TMEM135: variants seen among roughly 807,000 people sequenced by gnomAD.
TMEM135 encodes transmembrane protein 135, also known as peroxisomal membrane protein 52.
TMEM135 carries 30 observed loss-of-function variants against 60.3 expected under a neutral mutation model. The observed-to-expected ratio is 0.50, with a 90% CI of 0.37 to 0.68. TMEM135 has a LOEUF of 0.68. Ranked by LOEUF, TMEM135 falls within the 30% of genes least tolerant of loss-of-function variation. The pLI is 0.00. For synonymous variants in TMEM135, 190 were observed against 186.7 expected, an observed-to-expected ratio of 1.02 and a Z score of -0.14; for missense variants, 468 against 548.8, an observed-to-expected ratio of 0.85 and a Z score of 1.47.
At chr11:87,183,587 G>GATTTCTTAGGATA (rs1404823164) in intron 5 of TMEM135, among the ~76,000 whole-genome samples, 3 of 152,168 alleles carry the variant, frequency 2.0e-5, no homozygotes, top group Admixed American at 2.0e-4. Context: ...AAGTAAGGTG[G>GATTTCTTAGGATA]ATTTCTTAGG....
intron 4 of TMEM135, among the ~76,000 whole-genome samples, chr11:87,150,664 C>T (rs1938535771): frequency 6.6e-6 from 1 of 151,956 alleles, no homozygotes; most frequent in Non-Finnish European, 1.5e-5. Flanking sequence ...TTCTTTGTAC[C>T]TATTACTAAC....
rs1856696857 is a variant in TMEM135 at position 87,067,853 on chromosome 11, A to G, written c.269+32A>G. ...ACTCATAATCACCATAGATACTAAT[A>G]TAGGTTCTTCTATTGAAATGGAAAC... On this transcript the variant is annotated intron_variant, in intron 2 of 14. Transcript: ENST00000305494. 8.1e-6 allele frequency: 13 copies of G among 1,611,202 alleles called. No individual in the cohort carries two copies. The Admixed American group carries it at 1.3e-4, about 17-fold the overall frequency.
intron 6 of TMEM135, among the ~76,000 whole-genome samples, chr11:87,255,561 C>T (rs906626482): frequency 1.3e-5 from 2 of 152,022 alleles, no homozygotes; most frequent in African/African-American, 2.4e-5. Flanking sequence ...TTGCTTGAGC[C>T]CAGGAATTCA....
intron 3 of TMEM135, among the ~76,000 whole-genome samples, chr11:87,079,491 T>C (rs1400248354): frequency 6.6e-6 from 1 of 152,130 alleles, no homozygotes; most frequent in Admixed American, 6.5e-5. Context: ...TCTGTGACCT[T>C]GCTGAATTTA....
chr11:87,210,589 A>G (rs555959132), intron 5 of TMEM135, among the ~76,000 whole-genome samples: 1 of 152,286 alleles, frequency 6.6e-6, no homozygotes, highest in Admixed American at 6.5e-5. Flanking sequence ...TAGACATACA[A>G]AGAAATGCTA....
intron 6 of TMEM135, among the ~76,000 whole-genome samples, chr11:87,244,036 G>A (rs61905652): frequency 3.4e-5 from 3 of 87,482 alleles, no homozygotes; most frequent in Admixed American, 3.0e-4. Context: ...TCAATACCTA[G>A]TTTATTGAGA....
rs113022616 is a variant in TMEM135 at position 87,111,025 on chromosome 11, G to T, written c.396+19630G>T. On this transcript the variant is annotated intron_variant, in intron 4 of 14. Transcript: ENST00000305494. ...CCTAGATGTTTCATTTTCTAGTTCTGCATTCTTTCGCTAACTGTAGACAAA... is the reference window on the plus strand; with the variant it reads ...CCTAGATGTTTCATTTTCTAGTTCTTCATTCTTTCGCTAACTGTAGACAAA... Among the ~76,000 whole-genome samples the T allele has an allele frequency of 2.5e-3, 377 of 152,230 alleles. 2 individuals carry two copies. The highest frequency in any genetic ancestry group is 8.7e-3 in the African/African-American group (362 of 41,542).
chr11:87,235,395 TAAC>T (rs1056631368), intron 5 of TMEM135, among the ~76,000 whole-genome samples: 34 of 151,988 alleles, frequency 2.2e-4, no homozygotes, highest in African/African-American at 6.5e-4. Flanking sequence ...TATTAATTGA[TAAC>T]AATCCTCTTT....
chr11:87,294,340 C>T (rs10898663), intron 6 of TMEM135, among the ~76,000 whole-genome samples: 1 of 152,078 alleles, frequency 6.6e-6, no homozygotes, highest in Admixed American at 6.5e-5. Context: ...GTGGCCTTTC[C>T]TACAGAAGAC....
intron 4 of TMEM135, among the ~76,000 whole-genome samples, chr11:87,127,478 T>C (rs1194750880): frequency 6.6e-6 from 1 of 152,176 alleles, no homozygotes; most frequent in African/African-American, 2.4e-5. Flanking sequence ...TGATCCCAGG[T>C]TCTTTCTCCC....
rs745548250 is a variant in TMEM135 at position 87,302,277 on chromosome 11, A to C, written c.552-19A>C. Reference sequence around the variant, plus strand: ...TATTTTTAAGTGAAAAATGCCTCACATTGTGCTCTTTTCTTTAGGTTCATT... The same window carrying C: ...TATTTTTAAGTGAAAAATGCCTCACCTTGTGCTCTTTTCTTTAGGTTCATT... On this transcript the variant is annotated intron_variant, in intron 7 of 14. Coordinates refer to ENST00000305494, the MANE Select transcript of TMEM135 (RefSeq NM_022918.4). 5 of 1,613,114 alleles carry C rather than the reference A, an allele frequency of 3.1e-6. No homozygotes were observed. In the African/African-American group the frequency reaches 6.7e-5, roughly 22 times the overall value.
Position 87,178,928 on chromosome 11 carries a change from A to G in TMEM135, c.462+21522A>G, listed in dbSNP as rs185045576. The stretch of plus-strand genomic sequence containing the variant: ...TAATTTCTCTTGGCTTGATACCTAA[A>G]TGTAGAATTGTTAGGTCATAAGAAT... On this transcript the variant is annotated intron_variant, in intron 5 of 14. Transcript: ENST00000305494. 8.5e-4 allele frequency among the ~76,000 whole-genome samples: 130 copies of G among 152,066 alleles called. 1 individual carries two copies. Among genetic ancestry groups the G allele is most frequent in the African/African-American group, 3.0e-3 (124 of 41,416 alleles).
intron 4 of TMEM135, among the ~76,000 whole-genome samples, chr11:87,111,077 G>C (rs1304677044): frequency 6.6e-6 from 1 of 152,130 alleles, no homozygotes; most frequent in East Asian, 1.9e-4. Context: ...GTCTTAAAAT[G>C]TAGTTTCCTA....
At chr11:87,054,453 AAG>A (rs1949873079) in intron 1 of TMEM135, among the ~76,000 whole-genome samples, 1 of 152,080 alleles carries the variant, frequency 6.6e-6, no homozygotes, top group African/African-American at 2.4e-5. Context: ...AAAAGAAAAA[AAG>A]AAAAATATTT....
At chr11:87,263,687 A>C (rs967523882) in intron 6 of TMEM135, among the ~76,000 whole-genome samples, 1 of 152,132 alleles carries the variant, frequency 6.6e-6, no homozygotes, top group South Asian at 2.1e-4. Flanking sequence ...ATAGGGTTTT[A>C]GAGTATGAAG....
intron 3 of TMEM135, among the ~76,000 whole-genome samples, chr11:87,084,139 A>G (rs954375731): frequency 2.6e-5 from 4 of 152,182 alleles, no homozygotes; most frequent in Admixed American, 2.0e-4. Context: ...CCCATTATTG[A>G]TTACGCATCT....
chr11:87,314,473 T>C lies in TMEM135; in HGVS notation c.1003T>C (p.Phe335Leu), dbSNP rs761372161. ...TTATTTCTTATTTCTTGTTTCAGGATTTTTGGCAGGTATATCAATGATGTT... is the reference window on the plus strand; with the variant it reads ...TTATTTCTTATTTCTTGTTTCAGGACTTTTGGCAGGTATATCAATGATGTT... ...DDELHAIIAG[F>L]LAGISMMFYK... The change falls in exon 12 of 15, where the codon TTT (phenylalanine) becomes CTT (leucine). Residue 335 changes from phenylalanine to leucine, a missense_variant and splice_region_variant. By Grantham distance (22) the Phe-to-Leu change is conservative (BLOSUM62 0). Transcript: ENST00000305494. 6.2e-7 allele frequency: 1 copy of C among 1,608,594 alleles called. No homozygotes were observed. Among genetic ancestry groups the C allele is most frequent in the Non-Finnish European group, 8.5e-7 (1 of 1,175,964 alleles).
intron 1 of TMEM135, among the ~76,000 whole-genome samples, chr11:87,062,554 C>T (rs970287538): frequency 6.7e-6 from 1 of 150,110 alleles, no homozygotes; most frequent in South Asian, 2.1e-4. Context: ...ACCTCCACCT[C>T]CTCGAGTTCA....
intron 5 of TMEM135, among the ~76,000 whole-genome samples, chr11:87,217,614 C>T (rs755182197): frequency 2.6e-5 from 4 of 151,954 alleles, no homozygotes; most frequent in Non-Finnish European, 4.4e-5. Context: ...AGAGAAACCC[C>T]GTCTCTGCTA....
Sources: allele counts gnomAD v4.1 joint callset (sites outside exome capture counted in the v4.1 genomes callset), GRCh38; gene constraint gnomAD v4.1.1; transcripts MANE v1.5; gene names NCBI Gene and HGNC (gene_info 2026-07-23, HGNC 2026-07-21).